The following SPAG6 variants were observed in gnomAD, a reference collection of about 807,000 sequenced individuals.
The protein encoded by SPAG6 is sperm-associated antigen 6.
A neutral mutation model predicts 58.5 loss-of-function variants in SPAG6; 49 were observed. The ratio of observed to expected loss-of-function variants is 0.84; its 90% confidence interval spans 0.67 to 1.06. SPAG6 has a LOEUF of 1.06. Among genes scored for constraint, SPAG6 ranks in the 50% least tolerant of loss-of-function variants. SPAG6 has a pLI of 0.00. For missense variants in SPAG6, 560 were observed against 611.3 expected, an observed-to-expected ratio of 0.92 and a Z score of 0.89; for synonymous variants, 233 against 225.6, an observed-to-expected ratio of 1.03 and a Z score of -0.29.
At chr10:22,360,059 G>A (rs1229001536) in intron 2 of SPAG6, among the ~76,000 whole-genome samples, 1 of 152,092 alleles carries the variant, frequency 6.6e-6, no homozygotes, top group Non-Finnish European at 1.5e-5. Flanking sequence ...TCACTGGCAT[G>A]CAAAATAAAA....
chr10:22,349,173 T>G (rs1353929389), intron 2 of SPAG6, among the ~76,000 whole-genome samples: 1 of 152,042 alleles, frequency 6.6e-6, no homozygotes, highest in African/African-American at 2.4e-5. Context: ...CTAAACAAAA[T>G]TATTACTAGA....
intron 2 of SPAG6, among the ~76,000 whole-genome samples, chr10:22,348,268 C>T (rs1038112559): frequency 1.3e-5 from 2 of 152,116 alleles, no homozygotes; most frequent in African/African-American, 4.8e-5. Context: ...GGATTGCGCC[C>T]GGCCAGTTTT....
chr10:22,386,975 G>T lies in SPAG6; in HGVS notation c.678+16G>T, dbSNP rs766771467. 5.0e-6 allele frequency: 8 copies of T among 1,590,314 alleles called. No homozygotes were observed. Among genetic ancestry groups the T allele is most frequent in the East Asian group, 2.2e-5 (1 of 44,758 alleles). On this transcript the variant is annotated intron_variant, in intron 5 of 10. Transcript: ENST00000376624. ...TAAATTGAAGGTATTTCAAAATAAG[G>T]TTGAAAAATACATCAGCCTTCTTAT...
intron 4 of SPAG6, among the ~76,000 whole-genome samples, chr10:22,375,229 CTT>C (rs1833788283): frequency 6.6e-6 from 1 of 152,162 alleles, no homozygotes; most frequent in South Asian, 2.1e-4. Context: ...GAGGAGCCCA[CTT>C]TTATTTACAT....
At position 22,391,721 on chromosome 10, in the gene SPAG6, C is replaced by T. The variant is rs530629817; in HGVS notation, c.1006-8C>T. The T allele has an allele frequency of 6.8e-6, 11 of 1,612,674 alleles. No individual in the cohort carries two copies. The highest frequency in any genetic ancestry group is 3.3e-5 in the South Asian group (3 of 91,024). On this transcript the variant is annotated splice_region_variant and splice_polypyrimidine_tract_variant and intron_variant, in intron 7 of 10. Transcript: ENST00000376624. The stretch of plus-strand genomic sequence containing the variant: ...TCATAACACTTGCTCTTTTGATCCA[C>T]GCTGCAGGGTGTACCCCAGTTGTCA...
At chr10:22,408,660 G>C (rs1167570438) in intron 9 of SPAG6, among the ~76,000 whole-genome samples, 3 of 152,120 alleles carry the variant, frequency 2.0e-5, no homozygotes, top group South Asian at 2.1e-4. Context: ...GTGGTGGGCT[G>C]CACCCAGTTG....
chr10:22,409,549 A>G (rs769476072), intron 9 of SPAG6, among the ~76,000 whole-genome samples: 2 of 152,230 alleles, frequency 1.3e-5, no homozygotes, highest in East Asian at 3.8e-4. Flanking sequence ...TCAATGTACT[A>G]GACTTGGAGA....
chr10:22,390,018 G>A (rs1202231973), intron 7 of SPAG6, among the ~76,000 whole-genome samples: 1 of 152,050 alleles, frequency 6.6e-6, no homozygotes, highest in Non-Finnish European at 1.5e-5. Context: ...TGGGGTGTGG[G>A]TTTCTTATCA....
intron 2 of SPAG6, among the ~76,000 whole-genome samples, chr10:22,356,641 TC>T (rs1564361313): frequency 6.6e-6 from 1 of 152,228 alleles, no homozygotes; most frequent in African/African-American, 2.4e-5. Context: ...CAACTATACA[TC>T]CTTTGACCAA....
intron 8 of SPAG6, among the ~76,000 whole-genome samples, chr10:22,398,633 G>A (rs1027420831): frequency 6.6e-6 from 1 of 152,104 alleles, no homozygotes; most frequent in Non-Finnish European, 1.5e-5. Flanking sequence ...GGAGGCTAAG[G>A]CAGGAGTATT....
intron 4 of SPAG6, among the ~76,000 whole-genome samples, chr10:22,378,424 T>G (rs1200388110): frequency 1.3e-5 from 2 of 151,772 alleles, no homozygotes; most frequent in South Asian, 2.1e-4. Context: ...CAGGTTTTTT[T>G]TTTTTTTTTT....
In SPAG6 at chr10:22,411,020, C is replaced by T. The variant is rs1834717623; in HGVS notation, c.1315-11C>T. The T allele has an allele frequency of 2.5e-6, 4 of 1,605,382 alleles. No homozygotes were observed. Among genetic ancestry groups the T allele is most frequent in the Admixed American group, 3.5e-5 (2 of 57,442 alleles). ...AGAAAAGCTGACATTTTATGTGCTTCACTTTGCAAGGTGCTGCCGCATGAT... is the reference window on the plus strand; with the variant it reads ...AGAAAAGCTGACATTTTATGTGCTTTACTTTGCAAGGTGCTGCCGCATGAT... On this transcript the variant is annotated splice_polypyrimidine_tract_variant and intron_variant, in intron 9 of 10. Transcript: ENST00000376624.
At chr10:22,410,694 C>A (rs187214982) in intron 9 of SPAG6, among the ~76,000 whole-genome samples, 1 of 152,248 alleles carries the variant, frequency 6.6e-6, no homozygotes, top group East Asian at 1.9e-4. Context: ...AGCTGGGTCC[C>A]AGAGGACCCT....
chr10:22,357,074 T>G (rs541803345), intron 2 of SPAG6, among the ~76,000 whole-genome samples: 2 of 152,330 alleles, frequency 1.3e-5, no homozygotes, highest in Middle Eastern at 6.8e-3. Context: ...AAACTCTTTT[T>G]GCTCTTTGTT....
chr10:22,406,845 GGATA>G (rs1476002196), intron 9 of SPAG6, among the ~76,000 whole-genome samples: 1 of 151,676 alleles, frequency 6.6e-6, no homozygotes, highest in African/African-American at 2.4e-5. Flanking sequence ...TATATATTTA[GGATA>G]GTTAGCTCTT....
intron 10 of SPAG6, among the ~76,000 whole-genome samples, chr10:22,415,242 G>A (rs1185201049): frequency 6.7e-6 from 1 of 150,148 alleles, no homozygotes; most frequent in African/African-American, 2.4e-5. Flanking sequence ...ATATTAATAT[G>A]TTAATATGGT....
chr10:22,410,520 A>G (rs1834704662), intron 9 of SPAG6, among the ~76,000 whole-genome samples: 1 of 152,140 alleles, frequency 6.6e-6, no homozygotes, highest in Non-Finnish European at 1.5e-5. Flanking sequence ...AAGATGACTA[A>G]GAGTTAACCA....
intron 7 of SPAG6, among the ~76,000 whole-genome samples, chr10:22,391,426 G>A (rs1834180708): frequency 6.6e-6 from 1 of 152,094 alleles, no homozygotes; most frequent in African/African-American, 2.4e-5. Context: ...AGTAAAATCT[G>A]GCTTTGCCTA....
At chr10:22,403,534 C>T (rs948718762) in intron 9 of SPAG6, among the ~76,000 whole-genome samples, 2 of 152,110 alleles carry the variant, frequency 1.3e-5, no homozygotes, top group African/African-American at 4.8e-5. Context: ...CAGTGTATCA[C>T]TGTTGGACAT....
Sources: gnomAD v4.1 joint callset for allele counts (sites outside exome capture counted in the v4.1 genomes callset) on GRCh38, gnomAD v4.1.1 for gene constraint, MANE v1.5 for transcripts, NCBI Gene and HGNC (gene_info 2026-07-23, HGNC 2026-07-21) for gene names.